RSBN1L: variants seen among roughly 807,000 people sequenced by gnomAD.
RSBN1L encodes round spermatid basic protein 1 like.
RSBN1L carries 30 observed loss-of-function variants against 67.7 expected under a neutral mutation model. That is an observed-to-expected ratio of 0.44 (90% confidence interval 0.33 to 0.60). RSBN1L has a LOEUF of 0.60. Among genes scored for constraint, RSBN1L ranks in the 20% least tolerant of loss-of-function variants. The probability of loss-of-function intolerance (pLI) is 0.02; values close to 1 mark genes in which losing one functional copy is unlikely to be tolerated. For missense variants in RSBN1L, 992 were observed against 1,031.7 expected, an observed-to-expected ratio of 0.96 and a Z score of 0.53; for synonymous variants, 433 against 387.0, an observed-to-expected ratio of 1.12 and a Z score of -1.39.
intron 1 of RSBN1L, among the ~76,000 whole-genome samples, chr7:77,734,377 G>T (rs1352670102): frequency 1.3e-5 from 2 of 151,972 alleles, no homozygotes; most frequent in African/African-American, 2.4e-5. Context: ...GACGTTTTAG[G>T]TGACTTTTTT....
chr7:77,757,116 G>A (rs1267092485), intron 3 of RSBN1L, among the ~76,000 whole-genome samples: 1 of 152,190 alleles, frequency 6.6e-6, no homozygotes, highest in Non-Finnish European at 1.5e-5. Flanking sequence ...ACTAAAAGAT[G>A]ACAAATTATG....
intron 1 of RSBN1L, among the ~76,000 whole-genome samples, chr7:77,712,610 G>A (rs1790990693): frequency 6.6e-6 from 1 of 152,094 alleles, no homozygotes; most frequent in Non-Finnish European, 1.5e-5. Context: ...ACACAACATT[G>A]TTTATGTGTT....
At chr7:77,720,839 C>T (rs900247558) in intron 1 of RSBN1L, among the ~76,000 whole-genome samples, 3 of 141,814 alleles carry the variant, frequency 2.1e-5, no homozygotes, top group African/African-American at 8.0e-5. Flanking sequence ...GATCCTGGCT[C>T]ACTGCAGCAT....
chr7:77,700,426 C>T (rs6965245), intron 1 of RSBN1L, among the ~76,000 whole-genome samples: 64,979 of 152,048 alleles, frequency 0.43, 14,357 homozygotes, highest in African/African-American at 0.53. Context: ...TATTTCAAGA[C>T]AAAACCAGAG....
chr7:77,750,168 A>G, intron 3 of RSBN1L, 104 bp downstream of exon 3: 1 of 614,044 alleles, frequency 1.6e-6, no homozygotes, highest in South Asian at 3.5e-5. Context: ...AGGTAAGAAT[A>G]TAATGAAACC....
chr7:77,756,010 T>A (rs1791612527), intron 3 of RSBN1L, among the ~76,000 whole-genome samples: 1 of 152,190 alleles, frequency 6.6e-6, no homozygotes, highest in African/African-American at 2.4e-5. Flanking sequence ...CCTTTTATAT[T>A]CTGAAAAATC....
intron 3 of RSBN1L, among the ~76,000 whole-genome samples, chr7:77,757,472 G>C (rs962704445): frequency 6.6e-6 from 1 of 152,218 alleles, no homozygotes; most frequent in South Asian, 2.1e-4. Flanking sequence ...TTTGAGGATA[G>C]AAACATATGC....
chr7:77,741,867 A>T lies in RSBN1L; in HGVS notation c.703+5341A>T, dbSNP rs569383441. On this transcript the variant is annotated intron_variant, in intron 2 of 7. Coordinates refer to ENST00000334955, the MANE Select transcript of RSBN1L (RefSeq NM_198467.3). The stretch of plus-strand genomic sequence containing the variant: ...AGATAGGAAATGAGCGAGAGATTAC[A>T]TAAAGCTCTTAATCTATCTGGTGAA... Among the ~76,000 whole-genome samples the T allele has an allele frequency of 3.9e-5, 6 of 152,272 alleles. No homozygotes were observed. In the East Asian group the frequency reaches 1.2e-3, roughly 29 times the overall value.
rs1352626222 is a variant in RSBN1L, at chr7:77,738,581, TTAC to T, written c.703+2060_703+2062del. ...AGTATAGAATCTGGCTCACAGGTACTTACTACTGAGTAGTAAATAGTTATGAAA... is the reference window on the plus strand; with the variant it reads ...AGTATAGAATCTGGCTCACAGGTACTTACTGAGTAGTAAATAGTTATGAAA... On this transcript the variant is annotated intron_variant, in intron 2 of 7. Coordinates refer to ENST00000334955, the MANE Select transcript of RSBN1L (RefSeq NM_198467.3). 9.2e-5 allele frequency among the ~76,000 whole-genome samples: 14 copies of T among 152,316 alleles called. No homozygotes were observed. The South Asian group carries it at 1.0e-3, about 11-fold the overall frequency.
intron 1 of RSBN1L, among the ~76,000 whole-genome samples, chr7:77,714,880 G>A (rs1274896935): frequency 1.3e-5 from 2 of 150,140 alleles, no homozygotes; most frequent in African/African-American, 2.5e-5. Flanking sequence ...GGAGAATGGC[G>A]TGAATCCGGG....
At chr7:77,709,928 T>C (rs1301015204) in intron 1 of RSBN1L, among the ~76,000 whole-genome samples, 1 of 152,216 alleles carries the variant, frequency 6.6e-6, no homozygotes, top group Non-Finnish European at 1.5e-5. Flanking sequence ...TTTAGTCTTC[T>C]TTATCCAGAT....
At chr7:77,706,961 A>G (rs1790900375) in intron 1 of RSBN1L, among the ~76,000 whole-genome samples, 1 of 152,064 alleles carries the variant, frequency 6.6e-6, no homozygotes, top group South Asian at 2.1e-4. Flanking sequence ...TCTATTCCAT[A>G]ATGTCCTCTC....
chr7:77,713,500 G>T (rs1383117718), intron 1 of RSBN1L, among the ~76,000 whole-genome samples: 1 of 151,882 alleles, frequency 6.6e-6, no homozygotes, highest in African/African-American at 2.4e-5. Context: ...GGGACTACAG[G>T]CGCCCGCCAC....
intron 2 of RSBN1L, among the ~76,000 whole-genome samples, chr7:77,745,945 A>G (rs868841900): frequency 2.0e-5 from 3 of 152,106 alleles, no homozygotes; most frequent in Non-Finnish European, 4.4e-5. Flanking sequence ...TCACCCTCCT[A>G]TGAGAATCTA....
intron 1 of RSBN1L, among the ~76,000 whole-genome samples, chr7:77,716,756 C>G (rs534099617): frequency 6.7e-6 from 1 of 150,204 alleles, no homozygotes; most frequent in African/African-American, 2.5e-5. Context: ...CTCAACCTCC[C>G]GAGTAGCTGG....
Position 77,765,257 on chromosome 7 carries a change from ATAGT to A in RSBN1L, c.1345-234_1345-231del, listed in dbSNP as rs1321607746. ...CTGTTTTCATAAGCAGTGTGTAGGAATAGTTAGAGAAAGTAAAATAGCTTGATTT... is the reference window on the plus strand; with the variant it reads ...CTGTTTTCATAAGCAGTGTGTAGGAATAGAGAAAGTAAAATAGCTTGATTT... On this transcript the variant is annotated intron_variant, in intron 3 of 7. Transcript: ENST00000334955. 1.6e-4 allele frequency among the ~76,000 whole-genome samples: 25 copies of A among 152,182 alleles called. 1 individual carries two copies. The highest frequency in any genetic ancestry group is 6.5e-5 in the Admixed American group (1 of 15,268).
intron 3 of RSBN1L, among the ~76,000 whole-genome samples, chr7:77,764,211 A>C (rs1039571449): frequency 6.6e-6 from 1 of 152,218 alleles, no homozygotes; most frequent in Admixed American, 6.5e-5. Flanking sequence ...TTGGTCTCCT[A>C]AATTTGTTGT....
At chr7:77,764,200 A>G (rs1249561682) in intron 3 of RSBN1L, among the ~76,000 whole-genome samples, 1 of 152,230 alleles carries the variant, frequency 6.6e-6, no homozygotes, top group Admixed American at 6.5e-5. Flanking sequence ...ACTGGGACAA[A>G]TTGGTCTCCT....
chr7:77,697,052 C>A lies in RSBN1L; in HGVS notation c.583C>A (p.Arg195=). The A allele has an allele frequency of 6.8e-7, 1 of 1,471,216 alleles. No homozygotes were observed. The highest frequency in any genetic ancestry group is 9.0e-7 in the Non-Finnish European group (1 of 1,113,218). 91.1% of individuals were successfully genotyped at this position (1,471,216 alleles called of 1,614,324 possible). ...EENGEVKPLP[R]DKIKDKIKER... Reference sequence around the variant, plus strand: ...GAACGGGGAGGTGAAGCCGCTGCCCCGAGGTGGGTGCCGTGCGGGGAGGGG... The same window carrying A: ...GAACGGGGAGGTGAAGCCGCTGCCCAGAGGTGGGTGCCGTGCGGGGAGGGG... Residue 195 remains arginine, a synonymous_variant, in exon 1 of 8, where the codon CGA becomes AGA. Coordinates refer to ENST00000334955, the MANE Select transcript of RSBN1L (RefSeq NM_198467.3).
Sources: gnomAD v4.1 joint callset for allele counts (sites outside exome capture counted in the v4.1 genomes callset) on GRCh38, gnomAD v4.1.1 for gene constraint, MANE v1.5 for transcripts, NCBI Gene and HGNC (gene_info 2026-07-23, HGNC 2026-07-21) for gene names.